CDH3: variants seen among roughly 807,000 people sequenced by gnomAD.
CDH3 encodes the protein cadherin 3.
CDH3 carries 54 observed loss-of-function variants against 82.0 expected under a neutral mutation model. The ratio of observed to expected loss-of-function variants is 0.66; its 90% confidence interval spans 0.53 to 0.83. The LOEUF is 0.83. Ranked by LOEUF, CDH3 falls within the 40% of genes least tolerant of loss-of-function variation. The pLI is 0.00. For missense variants in CDH3, 1,054 were observed against 1,084.6 expected, an observed-to-expected ratio of 0.97 and a Z score of 0.40; for synonymous variants, 446 against 437.9, an observed-to-expected ratio of 1.02 and a Z score of -0.23.
At chr16:68,665,381 G>A (rs1189375101) in intron 2 of CDH3, among the ~76,000 whole-genome samples, 2 of 152,138 alleles carry the variant, frequency 1.3e-5, no homozygotes, top group East Asian at 3.9e-4. Context: ...CAGCCTGGGT[G>A]ACAGCGTTAG....
chr16:68,669,520 T>G (rs1201799578), intron 2 of CDH3, among the ~76,000 whole-genome samples: 1 of 151,442 alleles, frequency 6.6e-6, no homozygotes, highest in Admixed American at 6.6e-5. Flanking sequence ...AGTGGAAATA[T>G]GCCAGAAGAC....
chr16:68,653,031 T>G (rs1211880056), intron 2 of CDH3, among the ~76,000 whole-genome samples: 1 of 152,128 alleles, frequency 6.6e-6, no homozygotes, highest in African/African-American at 2.4e-5. Context: ...ATTGCTGGGT[T>G]AACTGATTAC....
the CDH3 span, among the ~76,000 whole-genome samples, chr16:68,732,587 T>G: frequency 6.6e-6 from 1 of 152,232 alleles, no homozygotes; most frequent in Non-Finnish European, 1.5e-5. Flanking sequence ...AACATTTCTT[T>G]TCCCCAGTGA....
At chr16:68,710,470 A>G (rs1962012613) in intron 1 of CDH3, among the ~76,000 whole-genome samples, 1 of 152,192 alleles carries the variant, frequency 6.6e-6, no homozygotes, top group South Asian at 2.1e-4. Flanking sequence ...GCATCTAATG[A>G]GTAGAGGCCA....
chr16:68,714,035 G>C (rs1277017809), intron 1 of CDH3, among the ~76,000 whole-genome samples: 1 of 152,028 alleles, frequency 6.6e-6, no homozygotes, highest in Non-Finnish European at 1.5e-5. Flanking sequence ...CTGGGTTCAA[G>C]CAATCCTCCT....
intron 1 of CDH3, among the ~76,000 whole-genome samples, chr16:68,708,551 G>C (rs1961991446): frequency 1.3e-5 from 2 of 152,052 alleles, no homozygotes; most frequent in African/African-American, 4.8e-5. Flanking sequence ...GCCCTGAAGG[G>C]GACTGCATCC....
intron 2 of CDH3, among the ~76,000 whole-genome samples, chr16:68,668,037 G>T (rs917526904): frequency 6.6e-6 from 1 of 152,164 alleles, no homozygotes; most frequent in East Asian, 1.9e-4. Flanking sequence ...AGTGCTAAAA[G>T]CTGTCCATTT....
rs772658605 is a variant in CDH3 at position 68,695,338 on chromosome 16, G to T, written c.2086G>T (p.Asp696Tyr). 1.2e-6 allele frequency: 2 copies of T among 1,614,054 alleles called. No individual in the cohort carries two copies. The highest frequency in any genetic ancestry group is 2.2e-5 in the South Asian group (2 of 91,074). Residue 696 changes from aspartate to tyrosine, a missense_variant, in exon 14 of 16, where the codon GAC (aspartate) becomes TAC (tyrosine). By Grantham distance (160) the Asp-to-Tyr change is radical. Coordinates refer to ENST00000264012, the MANE Select transcript of CDH3 (RefSeq NM_001793.6). ...CCTACTCCCAGAAGATGACACCCGTGACAACGTCTTCTACTATGGCGAAGA... is the reference window on the plus strand; with the variant it reads ...CCTACTCCCAGAAGATGACACCCGTTACAACGTCTTCTACTATGGCGAAGA... ...PLLLPEDDTR[D>Y]NVFYYGEEGG...
At chr16:68,685,841 T>A (rs1245977978) in intron 11 of CDH3, among the ~76,000 whole-genome samples, 1 of 152,106 alleles carries the variant, frequency 6.6e-6, no homozygotes, top group Non-Finnish European at 1.5e-5. Context: ...TCCTAGGGAC[T>A]GGCCATGATT....
In CDH3 at chr16:68,716,637, A is replaced by AG. The variant is rs1398472079; in HGVS notation, c.100-5788_100-5787insG. ...CTCCGGCTCAAAAAAAAAAAAAAAA[A>AG]AAGAAAAGAAAAAAACTGATAACAG... is the stretch of plus-strand genomic sequence containing the variant. On this transcript the variant is annotated intron_variant, in intron 1 of 2. Coordinates refer to the CDH3 transcript ENST00000569080. 5.3e-5 allele frequency among the ~76,000 whole-genome samples: 8 copies of AG among 150,270 alleles called. No homozygotes were observed. The East Asian group carries it at 1.6e-3, about 29-fold the overall frequency.
chr16:68,705,308 A>T (rs1002583737), intron 1 of CDH3, among the ~76,000 whole-genome samples: 1 of 152,184 alleles, frequency 6.6e-6, no homozygotes, highest in African/African-American at 2.4e-5. Flanking sequence ...GCCCTGAAGC[A>T]CAAAAGCCAC....
intron 2 of CDH3, among the ~76,000 whole-genome samples, chr16:68,662,203 A>G (rs1960601121): frequency 6.6e-6 from 1 of 152,188 alleles, no homozygotes; most frequent in Non-Finnish European, 1.5e-5. Context: ...ACTGTTCCAG[A>G]CAGAGGGAGT....
chr16:68,731,448 ACACGT>A, downstream of CDH3, among the ~76,000 whole-genome samples: 2 of 13,282 alleles, frequency 1.5e-4, no homozygotes, highest in African/African-American at 2.7e-4. Context: ...ATATACACAC[ACACGT>A]ATATACACAT....
chr16:68,651,594 T>A, intron 2 of CDH3: 3 of 503,812 alleles, frequency 6.0e-6, no homozygotes, highest in South Asian at 4.9e-5. Context: ...AAGAGACACC[T>A]GCACCTGCAT....
chr16:68,668,350 G>T (rs1008364188), intron 2 of CDH3, among the ~76,000 whole-genome samples: 2 of 152,082 alleles, frequency 1.3e-5, no homozygotes, highest in Non-Finnish European at 2.9e-5. Flanking sequence ...AGTTTACTTC[G>T]CTGACTATTA....
intron 2 of CDH3, among the ~76,000 whole-genome samples, chr16:68,649,461 A>G (rs528118624): frequency 1.3e-5 from 2 of 152,354 alleles, no homozygotes; most frequent in South Asian, 2.1e-4. Flanking sequence ...TCGCATCTGC[A>G]TAGATCAGGC....
At chr16:68,697,993 TG>T in intron 15 of CDH3, 197 bp from the exon 16 acceptor site, 1 of 651,334 alleles carries the variant, frequency 1.5e-6, no homozygotes, top group Non-Finnish European at 2.8e-6. Flanking sequence ...CCTTACCCCC[TG>T]GCCTGTGTTG....
chr16:68,674,431 G>A (rs1337376806), intron 2 of CDH3, among the ~76,000 whole-genome samples: 2 of 151,978 alleles, frequency 1.3e-5, no homozygotes, highest in East Asian at 1.9e-4. Context: ...GATATTAATC[G>A]TTTAGGATTC....
intron 11 of CDH3, chr16:68,686,736 A>G: frequency 1.4e-6 from 1 of 711,214 alleles, no homozygotes; most frequent in Non-Finnish European, 2.6e-6. Flanking sequence ...CATTCCACTG[A>G]AGTTCTGAAA....
Sources: allele counts gnomAD v4.1 joint callset (sites outside exome capture counted in the v4.1 genomes callset), GRCh38; gene constraint gnomAD v4.1.1; transcripts MANE v1.5; gene names NCBI Gene and HGNC (gene_info 2026-07-23, HGNC 2026-07-21).